TFB1M: variants seen among roughly 807,000 people sequenced by gnomAD.
TFB1M encodes transcription factor B1, mitochondrial.
In TFB1M, 27 loss-of-function variants were observed where a neutral mutation model predicts 31.1. That is an observed-to-expected ratio of 0.87 (90% confidence interval 0.64 to 1.20). TFB1M has a LOEUF of 1.20. Ranked by LOEUF, TFB1M falls within the 50% of genes most tolerant of loss-of-function variation. The pLI is 0.00. For missense variants in TFB1M, 394 were observed against 418.7 expected (o/e 0.94, Z 0.51); for synonymous variants, 166 against 151.8 (o/e 1.09, Z -0.69).
chr6:155,306,663 C>T lies in TFB1M; in HGVS notation c.285+4525G>A, dbSNP rs377325376. Reference sequence around the variant, plus strand: ...TGTATGATTCCATTTATATAAAATTCTGAAAAATAAAAAATAATCTACAGT... The same window carrying T: ...TGTATGATTCCATTTATATAAAATTTTGAAAAATAAAAAATAATCTACAGT... On this transcript the variant is annotated intron_variant, in intron 2 of 6. Coordinates refer to ENST00000367166, the MANE Select transcript of TFB1M (RefSeq NM_016020.4). Among the ~76,000 whole-genome samples, 32 of 151,922 alleles carry T rather than the reference C, an allele frequency of 2.1e-4. No homozygotes were observed. The East Asian group carries it at 6.0e-3, about 28-fold the overall frequency.
chr6:155,257,471 C>T lies in TFB1M; in HGVS notation c.*365G>A, dbSNP rs1003877166. ...TTTCAAAGGGCCATTTTTTAAAATCCTCTGGGCATTTTCTTTCAGCTGTTT... is the reference window on the plus strand; with the variant it reads ...TTTCAAAGGGCCATTTTTTAAAATCTTCTGGGCATTTTCTTTCAGCTGTTT... On this transcript the variant is annotated 3_prime_UTR_variant, in exon 7 of 7. Coordinates refer to ENST00000367166, the MANE Select transcript of TFB1M (RefSeq NM_016020.4). 1 of 326,590 alleles carries T rather than the reference C, an allele frequency of 3.1e-6. No homozygotes were observed. The allele number at this position is 326,590 out of a possible 1,614,324, so 20.2% of individuals were successfully genotyped here.
the TFB1M span, among the ~76,000 whole-genome samples, chr6:155,234,322 T>C: frequency 2.0e-5 from 3 of 152,216 alleles, no homozygotes; most frequent in Non-Finnish European, 2.9e-5. Flanking sequence ...CTTTTAGAGA[T>C]AGAGCCTCAC....
chr6:155,232,103 A>ACAAAAAC, the TFB1M span, among the ~76,000 whole-genome samples: 5 of 151,834 alleles, frequency 3.3e-5, no homozygotes, highest in African/African-American at 9.7e-5. Context: ...AAAAACAAAA[A>ACAAAAAC]AAAACAAAAA....
intron 4 of TFB1M, among the ~76,000 whole-genome samples, chr6:155,288,608 C>G (rs973192685): frequency 6.6e-6 from 1 of 152,172 alleles, no homozygotes; most frequent in Admixed American, 6.5e-5. Flanking sequence ...TAGAACACAT[C>G]CAGAAACGTC....
intron 2 of TFB1M, among the ~76,000 whole-genome samples, chr6:155,305,601 AAATATATATATAT>A (rs1165376853): frequency 7.5e-4 from 9 of 11,980 alleles, no homozygotes; most frequent in African/African-American, 3.0e-3. Context: ...ATTTATATAT[AAATATATATATAT>A]TAAATTATAT....
At chr6:155,297,217 A>C (rs1475147035) in intron 3 of TFB1M, 113 bp from the exon 4 acceptor site, 1 of 1,130,880 alleles carries the variant, frequency 8.8e-7, no homozygotes, top group Non-Finnish European at 1.3e-6. Flanking sequence ...AAAAATATAT[A>C]AATAGACATG....
chr6:155,281,804 C>T (rs550417613), intron 5 of TFB1M, among the ~76,000 whole-genome samples: 22 of 120,150 alleles, frequency 1.8e-4, no homozygotes, highest in African/African-American at 5.9e-4. Context: ...GATTATGAAG[C>T]CTATCACCAT....
At chr6:155,247,711 G>A in the TFB1M span, among the ~76,000 whole-genome samples, 28 of 152,334 alleles carry the variant, frequency 1.8e-4, 1 homozygote, top group South Asian at 5.4e-3. Flanking sequence ...TGCATGAAAT[G>A]TGTCTTTAAA....
intron 5 of TFB1M, chr6:155,275,900 A>ATG: frequency 6.2e-7 from 1 of 1,614,072 alleles, no homozygotes; most frequent in Non-Finnish European, 8.5e-7. Context: ...CAGCACTGGG[A>ATG]TGTTCAGCTG....
chr6:155,295,509 G>A (rs1235494722), intron 4 of TFB1M, among the ~76,000 whole-genome samples: 1 of 152,194 alleles, frequency 6.6e-6, no homozygotes, highest in African/African-American at 2.4e-5. Flanking sequence ...ATCAGAGTAA[G>A]GAATACAATG....
intron 2 of TFB1M, among the ~76,000 whole-genome samples, chr6:155,306,570 T>A (rs1442077622): frequency 1.3e-5 from 2 of 151,970 alleles, no homozygotes; most frequent in Non-Finnish European, 2.9e-5. Context: ...GATAAACACC[T>A]CAACATGGAT....
At chr6:155,268,193 T>C (rs1784750808) in intron 5 of TFB1M, among the ~76,000 whole-genome samples, 1 of 152,324 alleles carries the variant, frequency 6.6e-6, no homozygotes, top group Admixed American at 6.5e-5. Flanking sequence ...TCCCAGAGTC[T>C]GTCTGTCTCC....
chr6:155,291,180 C>T (rs1040915808), intron 4 of TFB1M, among the ~76,000 whole-genome samples: 4 of 152,102 alleles, frequency 2.6e-5, no homozygotes, highest in Non-Finnish European at 5.9e-5. Context: ...TGGGACTTGG[C>T]CCTTAACTTG....
chr6:155,238,072 C>A, the TFB1M span, among the ~76,000 whole-genome samples: 3 of 152,236 alleles, frequency 2.0e-5, no homozygotes, highest in East Asian at 3.8e-4. Flanking sequence ...AATGCCTTTA[C>A]CAGCACTCAA....
At chr6:155,244,783 A>G in the TFB1M span, 2 of 1,606,294 alleles carry the variant, frequency 1.2e-6, no homozygotes, top group South Asian at 2.2e-5. Flanking sequence ...CACAGTTTAG[A>G]GTAAGTATCT....
chr6:155,249,925 G>A, the TFB1M span: 6 of 1,614,086 alleles, frequency 3.7e-6, no homozygotes, highest in East Asian at 2.2e-5. Flanking sequence ...TTATGGGACC[G>A]TGTTTGACCA....
At chr6:155,307,202 C>G (rs900718401) in intron 2 of TFB1M, among the ~76,000 whole-genome samples, 1 of 151,958 alleles carries the variant, frequency 6.6e-6, no homozygotes, top group Non-Finnish European at 1.5e-5. Context: ...AATTTGTACA[C>G]TTTAAGTATG....
intron 5 of TFB1M, among the ~76,000 whole-genome samples, chr6:155,262,572 T>C (rs1041694146): frequency 6.6e-6 from 1 of 152,182 alleles, no homozygotes; most frequent in African/African-American, 2.4e-5. Flanking sequence ...ACTAGCAGCC[T>C]GCTAGTCTCC....
chr6:155,234,875 G>C, the TFB1M span, among the ~76,000 whole-genome samples: 1 of 152,252 alleles, frequency 6.6e-6, no homozygotes, highest in African/African-American at 2.4e-5. Context: ...GACCACATGG[G>C]AGGCAGAGGC....
Sources: allele counts gnomAD v4.1 joint callset (sites outside exome capture counted in the v4.1 genomes callset), GRCh38; gene constraint gnomAD v4.1.1; transcripts MANE v1.5; gene names NCBI Gene and HGNC (gene_info 2026-07-23, HGNC 2026-07-21).